The following PRELID2 variants were observed in gnomAD, a reference collection of about 807,000 sequenced individuals.
The protein encoded by PRELID2 is PRELI domain-containing protein 2.
PRELID2 carries 25 observed loss-of-function variants against 28.4 expected under a neutral mutation model. The ratio of observed to expected loss-of-function variants is 0.88; its 90% CI spans 0.64 to 1.23. The LOEUF is 1.23. Ranked by LOEUF, PRELID2 falls within the 50% of genes most tolerant of loss-of-function variation. The probability of loss-of-function intolerance (pLI) is 0.00; values close to 1 mark genes in which losing one functional copy is unlikely to be tolerated. For missense variants in PRELID2, 201 were observed against 214.4 expected, an observed-to-expected ratio of 0.94 and a Z score of 0.39; for synonymous variants, 76 against 71.6, an observed-to-expected ratio of 1.06 and a Z score of -0.31.
At chr5:145,731,047 C>T (rs1025408106) in intron 1 of PRELID2, among the ~76,000 whole-genome samples, 12 of 152,206 alleles carry the variant, frequency 7.9e-5, no homozygotes, top group Admixed American at 1.3e-4. Context: ...AGAAATTGGC[C>T]AGGAGTGTCT....
At chr5:145,384,234 C>T in the PRELID2 span, among the ~76,000 whole-genome samples, 1 of 152,180 alleles carries the variant, frequency 6.6e-6, no homozygotes, top group Admixed American at 6.5e-5. Context: ...TGGTCATCCA[C>T]TTACCAACCT....
intron 1 of PRELID2, among the ~76,000 whole-genome samples, chr5:145,572,473 A>G (rs1263099539): frequency 6.6e-6 from 1 of 152,236 alleles, no homozygotes; most frequent in Non-Finnish European, 1.5e-5. Flanking sequence ...TACCTAAATT[A>G]ATACATATAA....
intron 1 of PRELID2, among the ~76,000 whole-genome samples, chr5:145,591,569 T>C (rs1753226827): frequency 1.3e-5 from 2 of 152,302 alleles, no homozygotes; most frequent in South Asian, 2.1e-4. Flanking sequence ...TGCCATGGCA[T>C]TGATTTCAGG....
the PRELID2 span, among the ~76,000 whole-genome samples, chr5:145,429,197 G>A: frequency 2.6e-5 from 4 of 152,316 alleles, no homozygotes; most frequent in Non-Finnish European, 5.9e-5. Context: ...AATAATGAAG[G>A]CAAACAGATT....
At chr5:145,495,907 A>G (rs1407943455) in intron 1 of PRELID2, among the ~76,000 whole-genome samples, 1 of 152,164 alleles carries the variant, frequency 6.6e-6, no homozygotes, top group Admixed American at 6.6e-5. Flanking sequence ...GTCTGTGTCC[A>G]TTAGCTTAGC....
At chr5:145,290,803 G>T in the PRELID2 span, among the ~76,000 whole-genome samples, 6 of 150,120 alleles carry the variant, frequency 4.0e-5, no homozygotes, top group Non-Finnish European at 5.9e-5. Flanking sequence ...TATGTAATCA[G>T]ATATGTGTTT....
intron 1 of PRELID2, among the ~76,000 whole-genome samples, chr5:145,638,207 C>G (rs1754035395): frequency 6.6e-6 from 1 of 152,166 alleles, no homozygotes; most frequent in Non-Finnish European, 1.5e-5. Flanking sequence ...ATTAATACAA[C>G]CACTGTGATT....
At chr5:145,355,063 A>T in the PRELID2 span, among the ~76,000 whole-genome samples, 1 of 152,174 alleles carries the variant, frequency 6.6e-6, no homozygotes, top group African/African-American at 2.4e-5. Context: ...AGTGTTTAAT[A>T]TTCTTGATTT....
At chr5:145,661,572 T>G (rs17103577) in intron 1 of PRELID2, among the ~76,000 whole-genome samples, 11,637 of 149,308 alleles carry the variant, frequency 0.078, 1,507 homozygotes, top group African/African-American at 0.27. Flanking sequence ...AGTGGAAACC[T>G]CTAAACCAAA....
the PRELID2 span, among the ~76,000 whole-genome samples, chr5:145,377,066 C>G: frequency 6.6e-6 from 1 of 151,926 alleles, no homozygotes; most frequent in Admixed American, 6.6e-5. Context: ...TAGATGTGTC[C>G]CAGAGATTCT....
At chr5:145,558,067 T>C (rs565497872) in intron 1 of PRELID2, among the ~76,000 whole-genome samples, 3 of 152,308 alleles carry the variant, frequency 2.0e-5, no homozygotes, top group Non-Finnish European at 4.4e-5. Flanking sequence ...TAAGTCATAG[T>C]TTTTAACAGT....
At chr5:145,412,756 T>G in the PRELID2 span, among the ~76,000 whole-genome samples, 1 of 152,166 alleles carries the variant, frequency 6.6e-6, no homozygotes, top group African/African-American at 2.4e-5. Flanking sequence ...TGAAGAAATA[T>G]CTGAGACTCA....
At chr5:145,295,278 A>T in the PRELID2 span, among the ~76,000 whole-genome samples, 2 of 152,184 alleles carry the variant, frequency 1.3e-5, no homozygotes, top group African/African-American at 4.8e-5. Flanking sequence ...TTATTTTGTT[A>T]TAAAGACTCA....
chr5:145,731,824 A>T (rs966940147), intron 1 of PRELID2, among the ~76,000 whole-genome samples: 4 of 152,196 alleles, frequency 2.6e-5, no homozygotes, highest in South Asian at 2.1e-4. Context: ...TCCAGGGGGA[A>T]ATCTGAACCC....
Position 145,511,677 on chromosome 5 carries a change from T to G in PRELID2, n.71-38362A>C, listed in dbSNP as rs569734179. ...CTGTTTCAACTCTGGGCATGAAGTC[T>G]GCATTCAAAATGGCTGAAACATATC... On this transcript the variant is annotated intron_variant and non_coding_transcript_variant, in intron 1 of 2. Transcript: ENST00000510259. Among the ~76,000 whole-genome samples, 8 of 152,350 alleles carry G rather than the reference T, an allele frequency of 5.3e-5. No homozygotes were observed. In the South Asian group the frequency reaches 1.7e-3, roughly 32 times the overall value.
intron 1 of PRELID2, among the ~76,000 whole-genome samples, chr5:145,538,278 G>A: frequency 6.6e-6 from 1 of 151,812 alleles, no homozygotes; most frequent in East Asian, 1.9e-4. Flanking sequence ...GTCAATTCGT[G>A]TAATGCCTCC....
chr5:145,598,913 A>C (rs1753349029), intron 1 of PRELID2, among the ~76,000 whole-genome samples: 1 of 152,226 alleles, frequency 6.6e-6, no homozygotes, highest in African/African-American at 2.4e-5. Context: ...TAAATACTCA[A>C]AGAATTATTA....
chr5:145,577,584 A>G (rs76357928), intron 1 of PRELID2, among the ~76,000 whole-genome samples: 10,653 of 152,178 alleles, frequency 0.07, 563 homozygotes, highest in Admixed American at 0.18. Flanking sequence ...AAAAGGAATG[A>G]AAAAATCTTA....
chr5:145,665,547 A>G (rs1428360416), intron 1 of PRELID2, among the ~76,000 whole-genome samples: 1 of 152,092 alleles, frequency 6.6e-6, no homozygotes, highest in Non-Finnish European at 1.5e-5. Flanking sequence ...ATCTAATCAC[A>G]TCATTTCTCC....
Sources: gnomAD v4.1 joint callset for allele counts (sites outside exome capture counted in the v4.1 genomes callset) on GRCh38, gnomAD v4.1.1 for gene constraint, MANE v1.5 for transcripts, NCBI Gene and HGNC (gene_info 2026-07-23, HGNC 2026-07-21) for gene names.